ODF2: variants seen among roughly 807,000 people sequenced by gnomAD.
The protein encoded by ODF2 is outer dense fiber of sperm tails 2.
ODF2 carries 47 observed loss-of-function variants against 110.2 expected under a neutral mutation model. The ratio of observed to expected loss-of-function variants is 0.43; its 90% CI spans 0.34 to 0.54. The LOEUF is 0.54. Among genes scored for constraint, ODF2 ranks in the 20% least tolerant of loss-of-function variants. The pLI is 0.03. For synonymous variants in ODF2, 352 were observed against 397.7 expected (o/e 0.89, Z 1.37); for missense variants, 812 against 1,054.5 (o/e 0.77, Z 3.19).
At chr9:128,482,197 T>C (rs1842526373) in intron 9 of ODF2, among the ~76,000 whole-genome samples, 1 of 152,266 alleles carries the variant, frequency 6.6e-6, no homozygotes, top group Non-Finnish European at 1.5e-5. Flanking sequence ...GCTGTATTAA[T>C]GCTTTTGTAA....
At chr9:128,474,393 T>A (rs1457196743) in intron 8 of ODF2, among the ~76,000 whole-genome samples, 1 of 152,044 alleles carries the variant, frequency 6.6e-6, no homozygotes, top group African/African-American at 2.4e-5. Context: ...CTCTGGAGGT[T>A]GAGGCAGGAG....
intron 15 of ODF2, 48 bp downstream of exon 15, chr9:128,492,584 C>T: frequency 6.6e-7 from 1 of 1,518,772 alleles, no homozygotes; most frequent in Non-Finnish European, 9.1e-7. Context: ...CCCTCCCTGC[C>T]CCCATCAGAC....
chr9:128,459,387 C>G (rs1835810482), intron 2 of ODF2, among the ~76,000 whole-genome samples, 180 bp from the exon 2 acceptor site: 1 of 152,202 alleles, frequency 6.6e-6, no homozygotes, highest in Non-Finnish European at 1.5e-5. Flanking sequence ...TATTTCCATC[C>G]CACTGCTGGG....
rs959723973 is a variant in ODF2 at position 128,472,107 on chromosome 9, T to C, written c.581+639T>C. ...CAGCCTGGCCAACATGGTGAAACCC[T>C]GTCTCTACTAAAAATACAAAAATTA... On this transcript the variant is annotated intron_variant, in intron 6 of 20. Coordinates refer to ENST00000604420, the Ensembl canonical transcript of ODF2. 2.0e-5 allele frequency among the ~76,000 whole-genome samples: 3 copies of C among 152,162 alleles called. 1 individual carries two copies. The South Asian group carries it at 6.3e-4, about 32-fold the overall frequency.
chr9:128,475,988 T>C (rs914117803), intron 8 of ODF2, among the ~76,000 whole-genome samples: 1 of 152,008 alleles, frequency 6.6e-6, no homozygotes, highest in Non-Finnish European at 1.5e-5. Context: ...AGTCATGTGG[T>C]CTTTCTGGGC....
intron 6 of ODF2, 152 bp from the exon 7 acceptor site, chr9:128,472,761 G>A: frequency 2.5e-6 from 3 of 1,208,456 alleles, no homozygotes; most frequent in Non-Finnish European, 3.4e-6. Context: ...GGTCCTTTCT[G>A]AAGGCCACCC....
At chr9:128,476,728 T>TC (rs1232673628) in intron 8 of ODF2, among the ~76,000 whole-genome samples, 1 of 150,796 alleles carries the variant, frequency 6.6e-6, no homozygotes, top group Non-Finnish European at 1.5e-5. Context: ...ACTTCTGGCC[T>TC]CCCGAGTTCA....
intron 6 of ODF2, 101 bp from the exon 7 acceptor site, chr9:128,472,812 C>G: frequency 1.9e-6 from 3 of 1,552,562 alleles, no homozygotes; most frequent in Non-Finnish European, 2.6e-6. Context: ...CTACTTTTCC[C>G]TGACCAGAGG....
intron 4 of ODF2, among the ~76,000 whole-genome samples, chr9:128,468,674 C>T (rs1355511643): frequency 1.3e-5 from 2 of 152,120 alleles, no homozygotes; most frequent in Non-Finnish European, 2.9e-5. Context: ...AGGCATGCAC[C>T]ACCATGTCCA....
At chr9:128,487,480 C>A (rs13298082) in intron 13 of ODF2, among the ~76,000 whole-genome samples, 1 of 151,850 alleles carries the variant, frequency 6.6e-6, no homozygotes, top group Non-Finnish European at 1.5e-5. Flanking sequence ...ACACAAAGAC[C>A]TGGGTTCTTT....
chr9:128,465,352 T>C (rs1391232526), intron 4 of ODF2, among the ~76,000 whole-genome samples: 4 of 152,210 alleles, frequency 2.6e-5, no homozygotes, highest in Non-Finnish European at 4.4e-5. Flanking sequence ...AAAGCTGCTG[T>C]ATGCATGTGG....
chr9:128,492,321 G>C (rs1301563359), intron 14 of ODF2, 105 bp from the exon 15 acceptor site: 2 of 774,178 alleles, frequency 2.6e-6, no homozygotes, highest in Non-Finnish European at 4.6e-6. Context: ...CTGTGGGTTA[G>C]AGTAGGGGGC....
Position 128,471,346 on chromosome 9 carries a change from G to T in ODF2, c.459G>T (p.Arg153Ser), listed in dbSNP as rs1055838181. ...AAGGTGAGCGCCAGATGGCCAAAAGGTTCCTGGAGGAACGGAAGGAAGAGC... is the reference window on the plus strand; with the variant it reads ...AAGGTGAGCGCCAGATGGCCAAAAGTTTCCTGGAGGAACGGAAGGAAGAGC... Residue 153 changes from arginine (R) to serine (S), a missense_variant, in exon 6 of 21, where the codon AGG becomes AGT. Around this residue, in one of 5 missense-constraint regions of ODF2, gnomAD observed 219 missense variants for 321.3 expected, o/e 0.68. Coordinates refer to ENST00000604420, the Ensembl canonical transcript of ODF2. 3 of 1,613,016 alleles carry T rather than the reference G, an allele frequency of 1.9e-6. 1 individual carries two copies. The Admixed American group carries it at 5.0e-5, about 27-fold the overall frequency.
At chr9:128,490,917 C>CATTT (rs796106746) in intron 14 of ODF2, among the ~76,000 whole-genome samples, 30 of 152,216 alleles carry the variant, frequency 2.0e-4, no homozygotes, top group South Asian at 1.0e-3. Context: ...TATAGGAAGA[C>CATTT]ATTTATTTAT....
Position 128,464,819 on chromosome 9 carries a change from G to A in ODF2, c.249+3752G>A, listed in dbSNP as rs562738674. Among the ~76,000 whole-genome samples the A allele has an allele frequency of 8.3e-4, 2 of 2,404 alleles. 1 individual carries two copies. The highest frequency in any genetic ancestry group is 8.9e-4 in the African/African-American group (2 of 2,248). The allele number at this position is 2,404 out of a possible 152,430, so 1.6% of individuals were successfully genotyped here. ...CCATTCTCCTGCCTCAGCCTCCCAA[G>A]TAGCTGGGACTACAGGCGCCCGCCA... On this transcript the variant is annotated intron_variant, in intron 4 of 20. Coordinates refer to ENST00000604420, the Ensembl canonical transcript of ODF2.
intron 6 of ODF2, 72 bp downstream of exon 6, chr9:128,471,540 A>C: frequency 7.4e-6 from 11 of 1,493,268 alleles, no homozygotes; most frequent in African/African-American, 1.4e-5. Context: ...CTGGGCAATA[A>C]TGGAAAGCAA....
intron 14 of ODF2, among the ~76,000 whole-genome samples, 152 bp from the exon 15 acceptor site, chr9:128,492,273 CT>C (rs1588974901): frequency 1.3e-5 from 2 of 152,092 alleles, no homozygotes; most frequent in East Asian, 3.8e-4. Flanking sequence ...CATTAGGAGT[CT>C]TACCTGCTTC....
In ODF2 at chr9:128,494,588, G is replaced by T. The variant is rs780835655; in HGVS notation, c.1831G>T (p.Ala611Ser). Residue 611 changes from alanine (A) to serine (S), a missense_variant, in exon 17 of 21, where the codon GCT becomes TCT. This residue lies in a region of ODF2 where 165 missense variants were observed against 293.4 expected (regional missense o/e 0.56). Transcript: ENST00000604420. This position sits in a 1 kb window ranked among gnomAD's most constrained non-coding sequence, Gnocchi z 4.6. ...CCTGAAGATCACGGAGGCGAAGCTG[G>T]CTGAGTGCCAAGACCAACTGCAGGG... The T allele has an allele frequency of 6.2e-7, 1 of 1,614,188 alleles. No homozygotes were observed. The highest frequency in any genetic ancestry group is 1.1e-5 in the South Asian group (1 of 91,082).
exon 7 of ODF2, chr9:128,473,004 G>A: frequency 6.2e-7 from 1 of 1,614,136 alleles, no homozygotes; most frequent in Non-Finnish European, 8.5e-7. Flanking sequence ...TGCCAAGCAG[G>A]TCATGGCCTT....
Sources: gnomAD v4.1 joint callset for allele counts (sites outside exome capture counted in the v4.1 genomes callset) on GRCh38, gnomAD v4.1.1 for gene constraint, gnomAD v4.1.1 regional missense constraint, Gnocchi (gnomAD v3.1) non-coding constraint, MANE v1.5 for transcripts, NCBI Gene and HGNC (gene_info 2026-07-23, HGNC 2026-07-21) for gene names.